ASTN2: variants seen among roughly 807,000 people sequenced by gnomAD.
The protein encoded by ASTN2 is astrotactin 2.
ASTN2 carries 54 observed loss-of-function variants against 139.8 expected under a neutral mutation model. The ratio of observed to expected loss-of-function variants is 0.39; its 90% confidence interval spans 0.31 to 0.48. ASTN2 has a LOEUF of 0.48. ASTN2 is among the 20% of genes least tolerant of loss of function. ASTN2 has a pLI of 0.95. For missense variants in ASTN2, 1,565 were observed against 1,725.1 expected (o/e 0.91, Z 1.64); for synonymous variants, 756 against 719.5 (o/e 1.05, Z -0.81).
At chr9:117,336,899 A>T (rs1249751488) in intron 1 of ASTN2, among the ~76,000 whole-genome samples, 3 of 152,206 alleles carry the variant, frequency 2.0e-5, no homozygotes, top group African/African-American at 7.2e-5. Context: ...GGGAGAATGT[A>T]AAAATAAATA....
At chr9:116,687,242 T>A in intron 16 of ASTN2, 5 of 997,102 alleles carry the variant, frequency 5.0e-6, no homozygotes, top group Non-Finnish European at 6.0e-6. Flanking sequence ...AGCCCCAGCA[T>A]GCTGGGGAGG....
chr9:116,710,067 G>A (rs986637189), intron 16 of ASTN2, among the ~76,000 whole-genome samples: 3 of 152,120 alleles, frequency 2.0e-5, no homozygotes, highest in Admixed American at 2.0e-4. Flanking sequence ...CTTCACATCT[G>A]GGAAAACTGA....
intron 3 of ASTN2, among the ~76,000 whole-genome samples, chr9:117,187,737 C>A (rs1181933275): frequency 6.6e-6 from 1 of 152,142 alleles, no homozygotes; most frequent in East Asian, 1.9e-4. Context: ...CCTTGGACTT[C>A]CCAGTCTGCA....
At chr9:116,749,168 TGAATTGCTTAGCAG>T (rs1232928062) in intron 13 of ASTN2, among the ~76,000 whole-genome samples, 1 of 152,226 alleles carries the variant, frequency 6.6e-6, no homozygotes, top group Non-Finnish European at 1.5e-5. Flanking sequence ...GCCCATAAAA[TGAATTGCTTAGCAG>T]AAGACCTGAA....
chr9:116,583,198 A>G (rs1854019746), intron 19 of ASTN2: 1 of 152,216 alleles, frequency 6.6e-6, no homozygotes, highest in Non-Finnish European at 1.5e-5. Flanking sequence ...GATCTTTAAT[A>G]AAGTGATTTG....
intron 4 of ASTN2, among the ~76,000 whole-genome samples, chr9:117,137,385 A>G (rs1829977886): frequency 1.3e-5 from 2 of 152,188 alleles, no homozygotes; most frequent in African/African-American, 2.4e-5. Context: ...GGTGCTCCCA[A>G]TCTGGACCAG....
intron 6 of ASTN2, among the ~76,000 whole-genome samples, chr9:117,017,981 G>A (rs7031614): frequency 0.053 from 7,743 of 146,480 alleles, 502 homozygotes; most frequent in African/African-American, 0.16. Flanking sequence ...AAGTCACCTT[G>A]CTCTCACTTA....
intron 13 of ASTN2, among the ~76,000 whole-genome samples, chr9:116,792,395 C>T (rs1830583098): frequency 6.6e-6 from 1 of 152,172 alleles, no homozygotes; most frequent in Admixed American, 6.5e-5. Context: ...CAGCCCAGCA[C>T]TCTGCTGGTA....
At chr9:116,612,104 G>T (rs907178586) in intron 19 of ASTN2, 1 of 152,044 alleles carries the variant, frequency 6.6e-6, no homozygotes, top group Admixed American at 6.6e-5. Context: ...TTCAACATCT[G>T]TTTCCAATGG....
At chr9:117,409,066 T>C (rs562317288) in intron 1 of ASTN2, among the ~76,000 whole-genome samples, 2 of 152,140 alleles carry the variant, frequency 1.3e-5, no homozygotes, top group Non-Finnish European at 2.9e-5. Context: ...TAACCAAATA[T>C]CTCAATTAGC....
At chr9:116,587,849 T>C (rs1333953856) in intron 19 of ASTN2, among the ~76,000 whole-genome samples, 1 of 90,362 alleles carries the variant, frequency 1.1e-5, no homozygotes, top group African/African-American at 4.1e-5. Flanking sequence ...AGGCAGGAGA[T>C]GCTCATATTC....
chr9:117,095,797 A>G (rs1203532664), intron 5 of ASTN2, among the ~76,000 whole-genome samples: 1 of 152,198 alleles, frequency 6.6e-6, no homozygotes, highest in Non-Finnish European at 1.5e-5. Context: ...AAATCTGCAT[A>G]AACCAAAAAC....
intron 10 of ASTN2, among the ~76,000 whole-genome samples, chr9:116,920,091 T>C (rs1834559243): frequency 1.3e-5 from 2 of 152,350 alleles, no homozygotes; most frequent in South Asian, 2.1e-4. Context: ...CTTGGTATTC[T>C]GTGTACAATG....
At chr9:117,039,142 G>C (rs1002208793) in intron 6 of ASTN2, among the ~76,000 whole-genome samples, 4 of 152,106 alleles carry the variant, frequency 2.6e-5, no homozygotes, top group African/African-American at 9.7e-5. Flanking sequence ...ATTCACATTT[G>C]AATTCTTCCT....
chr9:117,246,795 C>T (rs561690884), intron 2 of ASTN2, among the ~76,000 whole-genome samples: 1 of 152,212 alleles, frequency 6.6e-6, no homozygotes, highest in East Asian at 1.9e-4. Flanking sequence ...ATTTCAAAGT[C>T]CTTCTAGTCT....
chr9:116,563,677 TTTTC>T (rs1472301430), intron 19 of ASTN2, among the ~76,000 whole-genome samples: 1 of 152,204 alleles, frequency 6.6e-6, no homozygotes, highest in Non-Finnish European at 1.5e-5. Flanking sequence ...TTTTTTCTGC[TTTTC>T]TTTTTCTTCT....
At chr9:117,147,438 A>AACACACACACACACATACACACACAC (rs1830222733) in intron 3 of ASTN2, among the ~76,000 whole-genome samples, 2 of 148,264 alleles carry the variant, frequency 1.3e-5, no homozygotes, top group African/African-American at 5.0e-5. Flanking sequence ...TCTGACTCAA[A>AACACACACACACACATACACACACAC]ACACACACAC....
chr9:116,820,474 C>CT (rs1213820571), intron 12 of ASTN2, 143 bp downstream of exon 12: 8 of 1,113,344 alleles, frequency 7.2e-6, no homozygotes, highest in Non-Finnish European at 8.8e-6. Flanking sequence ...GCTTTTGGCT[C>CT]TTGGACTAAA....
At chr9:117,206,075 A>T (rs990433636) in intron 3 of ASTN2, among the ~76,000 whole-genome samples, 1 of 152,230 alleles carries the variant, frequency 6.6e-6, no homozygotes, top group Non-Finnish European at 1.5e-5. Flanking sequence ...GCATGATAAG[A>T]GACACCTGGC....
Sources: allele counts gnomAD v4.1 joint callset (sites outside exome capture counted in the v4.1 genomes callset), GRCh38; gene constraint gnomAD v4.1.1; transcripts MANE v1.5; gene names NCBI Gene and HGNC (gene_info 2026-07-23, HGNC 2026-07-21).